The following SCRN2 variants were observed in gnomAD, a reference collection of about 807,000 sequenced individuals.
SCRN2 encodes secernin 2, also known as secernin-2.
In SCRN2, 30 loss-of-function variants were observed where a neutral mutation model predicts 40.1. That is an observed-to-expected ratio of 0.75 (90% CI 0.56 to 1.01). The LOEUF (loss-of-function observed/expected upper bound fraction) is 1.01, where lower values mean the gene tolerates loss of function less well. Ranked by LOEUF, SCRN2 falls within the 50% of genes least tolerant of loss-of-function variation. The probability of loss-of-function intolerance (pLI) is 0.00; values close to 1 mark genes in which losing one functional copy is unlikely to be tolerated. For synonymous variants in SCRN2, 240 were observed against 233.5 expected (o/e 1.03, Z -0.25); for missense variants, 526 against 564.9 (o/e 0.93, Z 0.70).
intron 6 of SCRN2, 29 bp from the exon 7 acceptor site, chr17:47,838,479 A>T: frequency 6.2e-7 from 1 of 1,613,638 alleles, no homozygotes; most frequent in African/African-American, 1.3e-5. Flanking sequence ...AAGCACGGAG[A>T]TATATCAGAT....
Position 47,837,984 on chromosome 17 carries a change from G to A in SCRN2, c.1138C>T (p.Gln380Ter), listed in dbSNP as rs775899760. Reference sequence around the variant, plus strand: ...TGCTCCAGATCCTGCTGTTTCTGCTGGAGCTGCTGCCCCCGATCCTGCCCC... The same window carrying A: ...TGCTCCAGATCCTGCTGTTTCTGCTAGAGCTGCTGCCCCCGATCCTGCCCC... ...ERDQDRGQQL[Q>*]QKQQDLEQEG... The change falls in exon 8 of 8, where the codon CAG (glutamine) becomes TAG (stop). Residue 380 changes from glutamine to a stop codon, truncating the protein, a stop_gained. Coordinates refer to ENST00000290216, the MANE Select transcript of SCRN2 (RefSeq NM_138355.4). LOFTEE classifies it low-confidence loss of function (END_TRUNC). The A allele has an allele frequency of 4.4e-6, 7 of 1,607,290 alleles. No homozygotes were observed. The highest frequency in any genetic ancestry group is 1.7e-4 in the Middle Eastern group (1 of 6,050).
At chr17:47,839,932 A>G (rs370284900) in intron 3 of SCRN2, 17 of 588,086 alleles carry the variant, frequency 2.9e-5, no homozygotes, top group East Asian at 1.1e-4. Flanking sequence ...TCCATCCACT[A>G]TTACTGGTTT....
intron 3 of SCRN2, 172 bp downstream of exon 3, chr17:47,840,019 G>T (rs2033788465): frequency 1.6e-6 from 1 of 626,068 alleles, no homozygotes; most frequent in Non-Finnish European, 2.8e-6. Context: ...GCCAGGAGAG[G>T]CCCAAAGGTG....
intron 4 of SCRN2, among the ~76,000 whole-genome samples, 193 bp downstream of exon 4, chr17:47,839,251 A>G (rs1437782394): frequency 6.6e-6 from 1 of 152,226 alleles, no homozygotes; most frequent in East Asian, 1.9e-4. Flanking sequence ...AGGGAAGTCC[A>G]GGAAGGCTTC....
rs769196425 is a variant in SCRN2, at chr17:47,838,880, T to G, written c.683A>C (p.Gln228Pro). ...WDGQGAFDFA[Q>P]IFSLTQQPVR... is the part of the protein sequence containing the mutation. Reference sequence around the variant, plus strand: ...AGGCTGCTGGGTCAGGGAGAAGATCTGAGCAAAGTCAAAGGCACCCTGCCC... The same window carrying G: ...AGGCTGCTGGGTCAGGGAGAAGATCGGAGCAAAGTCAAAGGCACCCTGCCC... The change falls in exon 5 of 8, where the codon CAG (glutamine) becomes CCG (proline). Residue 228 changes from glutamine to proline, a missense_variant. Physicochemically the swap from Gln to Pro is moderately conservative, Grantham distance 76. Transcript: ENST00000290216. 1.2e-6 allele frequency: 2 copies of G among 1,613,818 alleles called. No homozygotes were observed. The highest frequency in any genetic ancestry group is 1.7e-6 in the Non-Finnish European group (2 of 1,180,038).
chr17:47,838,067 C>T, intron 7 of SCRN2, 65 bp from the exon 8 acceptor site: 3 of 1,572,678 alleles, frequency 1.9e-6, no homozygotes, highest in Non-Finnish European at 2.6e-6. Context: ...GAAGGGGGGA[C>T]TGTGTACCAC....
rs769298386 is a variant in SCRN2 at position 47,840,726 on chromosome 17, C to T, written c.118G>A (p.Val40Met). 13 of 1,603,390 alleles carry T rather than the reference C, an allele frequency of 8.1e-6. No homozygotes were observed. Among genetic ancestry groups the T allele is most frequent in the Non-Finnish European group, 1.0e-5 (12 of 1,174,820 alleles). Residue 40 changes from valine to methionine, a missense_variant, in exon 2 of 8, where the codon GTG becomes ATG. By Grantham distance (21) the Val-to-Met change is conservative. Coordinates refer to ENST00000290216, the MANE Select transcript of SCRN2 (RefSeq NM_138355.4). ...GCGGGGACAAACACCACCTCCTGCA[C>T]CTCGTCCCGGGGTCGGTCCGAGTTC... The part of the protein sequence containing the change: ...AKNSDRPRDE[V>M]QEVVFVPAGT...
chr17:47,840,568 A>C (rs1047459956), intron 2 of SCRN2, 102 bp downstream of exon 2: 1 of 1,362,872 alleles, frequency 7.3e-7, no homozygotes, highest in African/African-American at 1.5e-5. Flanking sequence ...ATGCTCTTCC[A>C]CTACTTCTGG....
In SCRN2 at chr17:47,838,014, GA is replaced by G; in HGVS notation, c.1120-13del. Reference sequence around the variant, plus strand: ...TGCTGCCCCCGATCCTGCCCCAAGGGAAAGCTGAGATGAGTCTGTCCGGGAC... The same window carrying G: ...TGCTGCCCCCGATCCTGCCCCAAGGGAAGCTGAGATGAGTCTGTCCGGGAC... On this transcript the variant is annotated splice_polypyrimidine_tract_variant and intron_variant, in intron 7 of 7. Coordinates refer to ENST00000290216, the MANE Select transcript of SCRN2 (RefSeq NM_138355.4). 1 of 1,604,214 alleles carries G rather than the reference GA, an allele frequency of 6.2e-7. No homozygotes were observed.
rs1397441253 is a variant in SCRN2 at position 47,840,211 on chromosome 17, C to T, written c.336G>A (p.Leu112=). ...TKEPVGEGEA[L]LGMDLLRLAL... ...TGCACCTGAGTAGGTCCATGCCCAG[C>T]AGGGCTTCCCCCTCCCCAACTGGCT... The change falls in exon 3 of 8, where the codon CTG becomes CTA. Residue 112 remains leucine, a synonymous_variant. Transcript: ENST00000290216. The T allele has an allele frequency of 2.5e-6, 4 of 1,613,566 alleles. No homozygotes were observed. In the African/African-American group the frequency reaches 4.0e-5, roughly 16 times the overall value.
rs2033754491 is a variant in SCRN2 at position 47,838,713 on chromosome 17, G to A, written c.773-17C>T. ...TGATGCCCCCTGCCAAGGAGTAGAGGGGGAAGCTGTGGGAGGGGAGAGTGG... is the reference window on the plus strand; with the variant it reads ...TGATGCCCCCTGCCAAGGAGTAGAGAGGGAAGCTGTGGGAGGGGAGAGTGG... On this transcript the variant is annotated splice_polypyrimidine_tract_variant and intron_variant, in intron 5 of 7. Coordinates refer to ENST00000290216, the MANE Select transcript of SCRN2 (RefSeq NM_138355.4). 1 of 1,612,274 alleles carries A rather than the reference G, an allele frequency of 6.2e-7. No homozygotes were observed. Among genetic ancestry groups the A allele is most frequent in the East Asian group, 2.2e-5 (1 of 44,848 alleles).
At position 47,838,320 on chromosome 17, in the gene SCRN2, T is replaced by C; in HGVS notation, c.1069A>G (p.Thr357Ala). 1 of 1,610,512 alleles carries C rather than the reference T, an allele frequency of 6.2e-7. No individual in the cohort carries two copies. Among genetic ancestry groups the C allele is most frequent in the Non-Finnish European group, 8.5e-7 (1 of 1,178,756 alleles). ...GCTGCCTGGTGTCCACGGTAGAGGG[T>C]ATGCCGACGATCTACCTGAGTCTGG... ...RFQTQVDRRH[T>A]LYRGHQAALG... is the part of the protein sequence containing the mutation. The change falls in exon 7 of 8, where the codon ACC (threonine) becomes GCC (alanine). Residue 357 changes from threonine (T) to alanine (A), a missense_variant. Physicochemically the swap from Thr to Ala is moderately conservative, Grantham distance 58. Coordinates refer to ENST00000290216, the MANE Select transcript of SCRN2 (RefSeq NM_138355.4).
In SCRN2 at chr17:47,837,999, G is replaced by T. The variant is rs762130963; in HGVS notation, c.1123C>A (p.Arg375=). ...TGTTTCTGCTGGAGCTGCTGCCCCC[G>T]ATCCTGCCCCAAGGGAAAGCTGAGA... The part of the protein sequence containing the change: ...ALGLMERDQD[R]GQQLQQKQQD... The change falls in exon 8 of 8, where the codon CGG becomes AGG. Residue 375 remains arginine, a synonymous_variant. Coordinates refer to ENST00000290216, the MANE Select transcript of SCRN2 (RefSeq NM_138355.4). 2.5e-6 allele frequency: 4 copies of T among 1,605,742 alleles called. No individual in the cohort carries two copies. The highest frequency in any genetic ancestry group is 2.5e-6 in the Non-Finnish European group (3 of 1,179,414).
chr17:47,839,002 C>T lies in SCRN2; in HGVS notation c.561G>A (p.Gly187=), dbSNP rs1286540718. Residue 187 remains glycine, a synonymous_variant, in exon 5 of 8, where the codon GGG becomes GGA. Transcript: ENST00000290216. The part of the protein sequence containing the change: ...RLWAAQRIQE[G]ARNISNQLSI... ...TCAGCTGGTTGGAGATGTTGCGGGC[C>T]CCCTCTGTGGAGGAGATCGGGGAGT... 1.2e-6 allele frequency: 2 copies of T among 1,613,796 alleles called. No homozygotes were observed. The highest frequency in any genetic ancestry group is 4.5e-5 in the East Asian group (2 of 44,864).
At chr17:47,840,544 T>C in intron 2 of SCRN2, 126 bp downstream of exon 2, 5 of 1,275,340 alleles carry the variant, frequency 3.9e-6, no homozygotes, top group Non-Finnish European at 5.3e-6. Flanking sequence ...TCCAGGTTGG[T>C]AGACCTAAAG....
chr17:47,841,080 C>T, intron 1 of SCRN2, 128 bp downstream of exon 1: 1 of 409,280 alleles, frequency 2.4e-6, no homozygotes, highest in Non-Finnish European at 4.4e-6. Flanking sequence ...AGTCCCGGCC[C>T]TTCGGAGCAG....
At chr17:47,838,071 G>A (rs2033730035) in intron 7 of SCRN2, 69 bp from the exon 8 acceptor site, 10 of 1,570,212 alleles carry the variant, frequency 6.4e-6, no homozygotes, top group Admixed American at 2.1e-5. Flanking sequence ...GGGGGACTGT[G>A]TACCACCTCA....
Position 47,840,225 on chromosome 17 carries a change from C to T in SCRN2, c.322G>A (p.Glu108Lys), listed in dbSNP as rs2033792100. Residue 108 changes from glutamate (E) to lysine (K), a missense_variant, in exon 3 of 8, where the codon GAG becomes AAG. Coordinates refer to ENST00000290216, the MANE Select transcript of SCRN2 (RefSeq NM_138355.4). ...TCCATGCCCAGCAGGGCTTCCCCCT[C>T]CCCAACTGGCTCCTTCGTCCACACA... ...EAVWTKEPVGEGEALLGMDLL... is the reference protein window; with the variant it reads ...EAVWTKEPVGKGEALLGMDLL... The T allele has an allele frequency of 9.3e-6, 15 of 1,613,978 alleles. No individual in the cohort carries two copies. Among genetic ancestry groups the T allele is most frequent in the Non-Finnish European group, 1.3e-5 (15 of 1,180,010 alleles).
rs751896094 is a variant in SCRN2 at position 47,837,923 on chromosome 17, C to A, written c.1199G>T (p.Gly400Val). ...CTCCCAGAGGGGTGGGGCCCACTCG[C>A]CGGCCAGCAGCCCCTGTGTGGCCTC... ...GLEATQGLLA[G>V]EWAPPLWELG... Residue 400 changes from glycine to valine, a missense_variant, in exon 8 of 8, where the codon GGC (glycine) becomes GTC (valine). Coordinates refer to ENST00000290216, the MANE Select transcript of SCRN2 (RefSeq NM_138355.4). 2.5e-6 allele frequency: 4 copies of A among 1,605,050 alleles called. No individual in the cohort carries two copies. The South Asian group carries it at 4.4e-5, about 18-fold the overall frequency.
Sources: gnomAD v4.1 joint callset for allele counts (sites outside exome capture counted in the v4.1 genomes callset) on GRCh38, gnomAD v4.1.1 for gene constraint, MANE v1.5 for transcripts, NCBI Gene and HGNC (gene_info 2026-07-23, HGNC 2026-07-21) for gene names.